IPCEF1: variants seen among roughly 807,000 people sequenced by gnomAD.
The protein encoded by IPCEF1 is interactor protein for cytohesin exchange factors 1.
A neutral mutation model predicts 50.9 loss-of-function variants in IPCEF1; 31 were observed. That is an observed-to-expected ratio of 0.61 (90% CI 0.46 to 0.82). The LOEUF is 0.82. Among genes scored for constraint, IPCEF1 ranks in the 40% least tolerant of loss-of-function variants. The pLI is 0.00. For missense variants in IPCEF1, 458 were observed against 514.0 expected (o/e 0.89, Z 1.05); for synonymous variants, 181 against 192.0 (o/e 0.94, Z 0.47).
intron 10 of IPCEF1, among the ~76,000 whole-genome samples, chr6:154,196,056 C>G (rs898200335): frequency 6.6e-6 from 1 of 152,162 alleles, no homozygotes; most frequent in African/African-American, 2.4e-5. Flanking sequence ...TCACAAAGTG[C>G]TGGGATTACA....
intron 9 of IPCEF1, among the ~76,000 whole-genome samples, chr6:154,201,469 CA>C (rs1562538247): frequency 6.6e-6 from 1 of 152,084 alleles, no homozygotes; most frequent in African/African-American, 2.4e-5. Context: ...CCAACAAAAT[CA>C]AAAAATCTAG....
chr6:154,266,606 A>T lies in IPCEF1; in HGVS notation c.-17-642T>A, dbSNP rs1781763279. Among the ~76,000 whole-genome samples, 2 of 149,314 alleles carry T rather than the reference A, an allele frequency of 1.3e-5. 1 individual carries two copies. Among genetic ancestry groups the T allele is most frequent in the Non-Finnish European group, 3.0e-5 (2 of 67,448 alleles). Reference sequence around the variant, plus strand: ...TATATACACACAAACACACACACACATTTTGAGAAGTGGAAATGTTTTCCT... The same window carrying T: ...TATATACACACAAACACACACACACTTTTTGAGAAGTGGAAATGTTTTCCT... On this transcript the variant is annotated intron_variant, in intron 2 of 11. Coordinates refer to ENST00000367220, the MANE Select transcript of IPCEF1 (RefSeq NM_001130700.2).
chr6:154,282,352 C>T (rs979489882), intron 2 of IPCEF1, among the ~76,000 whole-genome samples: 12 of 152,172 alleles, frequency 7.9e-5, no homozygotes, highest in Middle Eastern at 3.4e-3. Flanking sequence ...TCATCTCTTT[C>T]GCGGGACCAG....
chr6:154,269,551 G>T (rs1053704372), intron 2 of IPCEF1, among the ~76,000 whole-genome samples: 14 of 151,860 alleles, frequency 9.2e-5, no homozygotes, highest in Non-Finnish European at 1.9e-4. Flanking sequence ...GCCCAGGCTG[G>T]TCTCAAACTC....
At chr6:154,261,301 G>A (rs6557342) in intron 3 of IPCEF1, among the ~76,000 whole-genome samples, 145,412 of 152,300 alleles carry the variant, frequency 0.95, 69,447 homozygotes, top group East Asian at 1. Context: ...TGCTGGGATT[G>A]CAGGCATGAG....
intron 9 of IPCEF1, among the ~76,000 whole-genome samples, chr6:154,202,436 T>G (rs1777147568): frequency 6.6e-6 from 1 of 152,174 alleles, no homozygotes; most frequent in East Asian, 1.9e-4. Context: ...GTTAGCAGGA[T>G]CTACAAAATA....
chr6:154,169,500 C>A (rs1279062576), intron 10 of IPCEF1, among the ~76,000 whole-genome samples: 2 of 152,180 alleles, frequency 1.3e-5, no homozygotes, highest in Non-Finnish European at 2.9e-5. Flanking sequence ...CAGTGTGGGA[C>A]AAATAAGCCC....
At chr6:154,196,685 A>C (rs939960553) in intron 10 of IPCEF1, among the ~76,000 whole-genome samples, 2 of 152,230 alleles carry the variant, frequency 1.3e-5, no homozygotes, top group African/African-American at 4.8e-5. Flanking sequence ...AGAAATGAGG[A>C]GCACAGGGTA....
intron 1 of IPCEF1, among the ~76,000 whole-genome samples, chr6:154,311,652 A>G (rs1417369523): frequency 6.6e-6 from 1 of 152,244 alleles, no homozygotes; most frequent in African/African-American, 2.4e-5. Flanking sequence ...AGTTCCCAAA[A>G]GAAGACATAC....
intron 3 of IPCEF1, among the ~76,000 whole-genome samples, chr6:154,261,922 G>A (rs1781612158): frequency 6.6e-6 from 1 of 152,166 alleles, no homozygotes; most frequent in African/African-American, 2.4e-5. Flanking sequence ...GAAATGAAGT[G>A]TAATTCAAGA....
rs1583923462 is a variant in IPCEF1 at position 154,265,772 on chromosome 6, G to A, written c.36+140C>T. On this transcript the variant is annotated intron_variant, in intron 3 of 11. Transcript: ENST00000367220. ...ATAACCATAAGACCGTTTAAATCTAGCAACAGTGTCTTTGGTTCTACTGTG... is the reference window on the plus strand; with the variant it reads ...ATAACCATAAGACCGTTTAAATCTAACAACAGTGTCTTTGGTTCTACTGTG... 3 of 660,618 alleles carry A rather than the reference G, an allele frequency of 4.5e-6. No individual in the cohort carries two copies. The East Asian group carries it at 8.1e-5, about 18-fold the overall frequency. The allele number at this position is 660,618 out of a possible 1,614,324, so 40.9% of individuals were successfully genotyped here.
chr6:154,213,986 C>T (rs903320391), intron 8 of IPCEF1, among the ~76,000 whole-genome samples: 6 of 152,140 alleles, frequency 3.9e-5, no homozygotes, highest in African/African-American at 1.4e-4. Context: ...CCACAGCTGC[C>T]GGAGTGTGGG....
At chr6:154,248,136 C>G (rs952948095) in intron 3 of IPCEF1, among the ~76,000 whole-genome samples, 3 of 152,134 alleles carry the variant, frequency 2.0e-5, no homozygotes, top group African/African-American at 7.2e-5. Context: ...GAATATTTCT[C>G]ACGTTTTATG....
intron 11 of IPCEF1, among the ~76,000 whole-genome samples, chr6:154,164,950 A>G (rs1163301982): frequency 6.6e-6 from 1 of 152,166 alleles, no homozygotes; most frequent in Non-Finnish European, 1.5e-5. Context: ...ATTTCCCTGA[A>G]GTGCATTCAT....
intron 1 of IPCEF1, among the ~76,000 whole-genome samples, chr6:154,289,957 C>T (rs528042286): frequency 6.6e-6 from 1 of 151,908 alleles, no homozygotes; most frequent in Non-Finnish European, 1.5e-5. Context: ...CAGGAAAGTC[C>T]CACCACCACC....
At position 154,156,595 on chromosome 6, in the gene IPCEF1, G is replaced by GT. The variant is rs1798725110; in HGVS notation, c.*3232dup. On this transcript the variant is annotated 3_prime_UTR_variant, in exon 12 of 12. Coordinates refer to ENST00000367220, the MANE Select transcript of IPCEF1 (RefSeq NM_001130700.2). ...GCAAACTACAAAGTGCTGTGTAAAT[G>GT]TAAGGCATGGGTTTCACATTGAAAT... The GT allele has an allele frequency of 6.6e-6, 1 of 152,206 alleles. No homozygotes were observed. Among genetic ancestry groups the GT allele is most frequent in the African/African-American group, 2.4e-5 (1 of 41,450 alleles). 9.4% of individuals were successfully genotyped at this position (152,206 alleles called of 1,614,324 possible).
intron 7 of IPCEF1, among the ~76,000 whole-genome samples, chr6:154,218,787 C>T (rs1583828558): frequency 6.6e-6 from 1 of 152,038 alleles, no homozygotes; most frequent in Non-Finnish European, 1.5e-5. Context: ...ACCATTTAGC[C>T]GGATGGACAA....
In IPCEF1 at chr6:154,212,750, C is replaced by G; in HGVS notation, c.537+20G>C. The G allele has an allele frequency of 6.6e-7, 1 of 1,523,404 alleles. No individual in the cohort carries two copies. The highest frequency in any genetic ancestry group is 1.1e-5 in the South Asian group (1 of 89,046). The allele number at this position is 1,523,404 out of a possible 1,614,324, so 94.4% of individuals were successfully genotyped here. A position where few individuals can be genotyped will look rare whatever the true frequency, so the allele number is the denominator to read the frequency against. On this transcript the variant is annotated intron_variant, in intron 9 of 11. Coordinates refer to ENST00000367220, the MANE Select transcript of IPCEF1 (RefSeq NM_001130700.2). Reference sequence around the variant, plus strand: ...ACATGTCTGATCGATGACCAACAGACTACTTATGTCGGTACATACCAAAGA... The same window carrying G: ...ACATGTCTGATCGATGACCAACAGAGTACTTATGTCGGTACATACCAAAGA...
chr6:154,166,874 C>T (rs1305275727), intron 11 of IPCEF1, among the ~76,000 whole-genome samples: 1 of 152,164 alleles, frequency 6.6e-6, no homozygotes. Flanking sequence ...CCAGTGATAT[C>T]TTTTATTATC....
Sources: allele counts gnomAD v4.1 joint callset (sites outside exome capture counted in the v4.1 genomes callset), GRCh38; gene constraint gnomAD v4.1.1; transcripts MANE v1.5; gene names NCBI Gene and HGNC (gene_info 2026-07-23, HGNC 2026-07-21).